Variants in PCDH9 observed in about 807,000 individuals in gnomAD.
PCDH9 encodes protocadherin 9, also known as protocadherin-9.
In PCDH9, 24 loss-of-function variants were observed where a neutral mutation model predicts 70.6. That is an observed-to-expected ratio of 0.34 (90% CI 0.25 to 0.48). The LOEUF (loss-of-function observed/expected upper bound fraction) is 0.48. Among genes scored for constraint, PCDH9 ranks in the 20% least tolerant of loss-of-function variants. The pLI is 0.99. For synonymous variants in PCDH9, 562 were observed against 558.5 expected, an observed-to-expected ratio of 1.01 and a Z score of -0.09; for missense variants, 1,281 against 1,503.6, an observed-to-expected ratio of 0.85 and a Z score of 2.45.
chr13:66,819,668 C>T (rs2080674955), intron 3 of PCDH9, among the ~76,000 whole-genome samples: 2 of 152,074 alleles, frequency 1.3e-5, no homozygotes, highest in African/African-American at 2.4e-5. Context: ...GGCGAGAGGA[C>T]TGCTGGAGGT....
intron 3 of PCDH9, among the ~76,000 whole-genome samples, chr13:66,682,411 T>C (rs1319171874): frequency 1.3e-5 from 2 of 151,822 alleles, no homozygotes; most frequent in African/African-American, 4.8e-5. Context: ...ATCTATCATC[T>C]TCTTCTTTTT....
At chr13:66,965,693 A>T (rs2083423437) in intron 2 of PCDH9, among the ~76,000 whole-genome samples, 2 of 151,950 alleles carry the variant, frequency 1.3e-5, no homozygotes, top group African/African-American at 2.4e-5. Context: ...TGTATTGCTT[A>T]TGAATAAATG....
rs557084449 is a variant in PCDH9 at position 66,478,588 on chromosome 13, A to G, written c.3340+152622T>C. 2.6e-5 allele frequency among the ~76,000 whole-genome samples: 4 copies of G among 152,294 alleles called. No individual in the cohort carries two copies. In the East Asian group the frequency reaches 7.7e-4, roughly 29 times the overall value. ...AAAAACTGAAACAGGCCTATTGCTGATATGGAGAAGGTTTTAGTTGTCTGG... is the reference window on the plus strand; with the variant it reads ...AAAAACTGAAACAGGCCTATTGCTGGTATGGAGAAGGTTTTAGTTGTCTGG... On this transcript the variant is annotated intron_variant, in intron 4 of 4. Coordinates refer to ENST00000377865, the MANE Select transcript of PCDH9 (RefSeq NM_203487.3).
At chr13:66,940,377 CAT>C (rs2082987728) in intron 2 of PCDH9, among the ~76,000 whole-genome samples, 1 of 152,066 alleles carries the variant, frequency 6.6e-6, no homozygotes, top group South Asian at 2.1e-4. Flanking sequence ...TGTTCAAAAA[CAT>C]GTTGTGAGTC....
At chr13:66,651,205 A>G (rs1175155921) in intron 3 of PCDH9, among the ~76,000 whole-genome samples, 1 of 151,844 alleles carries the variant, frequency 6.6e-6, no homozygotes, top group Non-Finnish European at 1.5e-5. Flanking sequence ...TAAATGAAAA[A>G]AAGTACAATT....
At chr13:66,778,225 A>G (rs2079932041) in intron 3 of PCDH9, among the ~76,000 whole-genome samples, 1 of 151,990 alleles carries the variant, frequency 6.6e-6, no homozygotes, top group African/African-American at 2.4e-5. Context: ...TGGCACATGT[A>G]TACATATGTA....
chr13:66,858,264 T>A (rs2081427036), intron 3 of PCDH9, among the ~76,000 whole-genome samples: 1 of 152,214 alleles, frequency 6.6e-6, no homozygotes, highest in African/African-American at 2.4e-5. Flanking sequence ...GGACAGTTAT[T>A]TTCAAAAACT....
chr13:66,349,624 G>A (rs1246955633), intron 4 of PCDH9, among the ~76,000 whole-genome samples: 7 of 152,148 alleles, frequency 4.6e-5, no homozygotes, highest in Non-Finnish European at 8.8e-5. Flanking sequence ...GAGAGTACTA[G>A]TGGCTTTTGG....
intron 3 of PCDH9, among the ~76,000 whole-genome samples, chr13:66,771,903 A>G (rs2079814399): frequency 6.6e-6 from 1 of 152,254 alleles, no homozygotes; most frequent in Non-Finnish European, 1.5e-5. Flanking sequence ...GTATTTTTAG[A>G]AAAGCAAAGA....
chr13:67,103,934 C>A (rs761935226), intron 2 of PCDH9, among the ~76,000 whole-genome samples: 1 of 152,064 alleles, frequency 6.6e-6, no homozygotes, highest in Admixed American at 6.6e-5. Context: ...AGTTCAGGGA[C>A]CTTCAGAAAG....
intron 2 of PCDH9, among the ~76,000 whole-genome samples, chr13:67,086,709 G>A (rs1339476438): frequency 6.6e-6 from 1 of 152,094 alleles, no homozygotes; most frequent in African/African-American, 2.4e-5. Context: ...AAAGAGCAAA[G>A]TGGCTGTAAA....
intron 3 of PCDH9, among the ~76,000 whole-genome samples, chr13:66,716,426 GATCAT>G (rs987782311): frequency 3.2e-4 from 49 of 152,272 alleles, no homozygotes; most frequent in Middle Eastern, 3.4e-3. Flanking sequence ...TATTTTGCTT[GATCAT>G]TCTCTTCCTG....
chr13:66,416,599 G>A (rs904639660), intron 4 of PCDH9, among the ~76,000 whole-genome samples: 1 of 152,150 alleles, frequency 6.6e-6, no homozygotes, highest in African/African-American at 2.4e-5. Context: ...AATTTGACAA[G>A]CAAGACTTTG....
chr13:66,332,227 G>A (rs1388485504), intron 4 of PCDH9, among the ~76,000 whole-genome samples: 1 of 152,094 alleles, frequency 6.6e-6, no homozygotes, highest in African/African-American at 2.4e-5. Flanking sequence ...ATGAAGCAAT[G>A]CTGCTGTGCC....
At chr13:66,635,735 G>T (rs892224852) in intron 3 of PCDH9, among the ~76,000 whole-genome samples, 1 of 151,976 alleles carries the variant, frequency 6.6e-6, no homozygotes, top group Non-Finnish European at 1.5e-5. Context: ...TTTCTTACTG[G>T]TATACAATAG....
At chr13:67,173,576 T>G (rs2088359159) in intron 2 of PCDH9, among the ~76,000 whole-genome samples, 1 of 152,194 alleles carries the variant, frequency 6.6e-6, no homozygotes, top group Admixed American at 6.5e-5. Flanking sequence ...GATAAAAGTC[T>G]GGAATGGTGA....
chr13:66,433,780 T>C (rs1341728986), intron 4 of PCDH9, among the ~76,000 whole-genome samples: 1 of 151,884 alleles, frequency 6.6e-6, no homozygotes, highest in Non-Finnish European at 1.5e-5. Flanking sequence ...TTTTGTTGTT[T>C]GCATATACTC....
chr13:66,693,306 T>G (rs993268583), intron 3 of PCDH9, among the ~76,000 whole-genome samples: 13 of 152,110 alleles, frequency 8.5e-5, no homozygotes, highest in Non-Finnish European at 1.6e-4. Flanking sequence ...TGATTATAAA[T>G]CATTTTTCAG....
intron 3 of PCDH9, among the ~76,000 whole-genome samples, chr13:66,688,919 A>G (rs1350883626): frequency 6.6e-6 from 1 of 152,132 alleles, no homozygotes; most frequent in Non-Finnish European, 1.5e-5. Context: ...TTAGAAACTT[A>G]CTAATTATGT....
Sources: allele counts gnomAD v4.1 joint callset (sites outside exome capture counted in the v4.1 genomes callset), GRCh38; gene constraint gnomAD v4.1.1; transcripts MANE v1.5; gene names NCBI Gene and HGNC (gene_info 2026-07-23, HGNC 2026-07-21).